The following WTIP variants were observed in gnomAD, a reference collection of about 807,000 sequenced individuals.
WTIP encodes the protein Wilms tumor protein 1-interacting protein.
A neutral mutation model predicts 41.7 loss-of-function variants in WTIP; 23 were observed. That is an observed-to-expected ratio of 0.55 (90% CI 0.40 to 0.78). WTIP has a LOEUF of 0.78. Among genes scored for constraint, WTIP ranks in the 30% least tolerant of loss-of-function variants. The pLI is 0.00. For missense variants in WTIP, 619 were observed against 610.5 expected, an observed-to-expected ratio of 1.01 and a Z score of -0.15; for synonymous variants, 314 against 269.9, an observed-to-expected ratio of 1.16 and a Z score of -1.60.
intron 6 of WTIP, 147 bp from the exon 7 acceptor site, chr19:34,495,556 G>C (rs567210011): frequency 2.5e-6 from 2 of 803,476 alleles, no homozygotes; most frequent in East Asian, 5.4e-5. Context: ...AGCCTGTCCC[G>C]CCCCACAGAA....
rs920873522 is a variant in WTIP, at chr19:34,500,538, C to T, written c.*269C>T. On this transcript the variant is annotated 3_prime_UTR_variant, in exon 8 of 8. Coordinates refer to ENST00000590071, the MANE Select transcript of WTIP (RefSeq NM_001080436.2). The stretch of plus-strand genomic sequence containing the variant: ...TGTGCCCTGCAGCCTCAGGGTAGGC[C>T]GTGGGTCACCAGGCTGGAGAGGGCC... 8 of 415,508 alleles carry T rather than the reference C, an allele frequency of 1.9e-5. No individual in the cohort carries two copies. In the South Asian group the frequency reaches 3.8e-4, roughly 20 times the overall value. 25.7% of individuals were successfully genotyped at this position (415,508 alleles called of 1,614,324 possible).
intron 1 of WTIP, among the ~76,000 whole-genome samples, chr19:34,484,439 G>T (rs1220406698): frequency 6.6e-6 from 1 of 152,140 alleles, no homozygotes; most frequent in East Asian, 1.9e-4. Context: ...CCTCCCATCT[G>T]TGAGGTCATG....
chr19:34,482,238 C>A lies in WTIP; in HGVS notation c.264C>A (p.Ser88Arg). 2 of 1,212,186 alleles carry A rather than the reference C, an allele frequency of 1.6e-6. No individual in the cohort carries two copies. The highest frequency in any genetic ancestry group is 2.1e-6 in the Non-Finnish European group (2 of 974,734). 75.1% of individuals were successfully genotyped at this position (1,212,186 alleles called of 1,614,324 possible). ...VPELSAQPAG[S>R]PRASLAGSDG... ...AGCTCAGCGCGCAGCCTGCGGGCAG[C>A]CCACGGGCCAGCCTGGCGGGGTCCG... Residue 88 changes from serine to arginine, a missense_variant, in exon 1 of 8, where the codon AGC (serine) becomes AGA (arginine). Physicochemically the swap from Ser to Arg is moderately radical, Grantham distance 110. Around this residue, in one of 3 missense-constraint regions of WTIP, gnomAD observed 363 missense variants for 309.0 expected, o/e 1.17. Transcript: ENST00000590071.
Position 34,503,670 on chromosome 19 carries a change from T to TC in WTIP, c.*3405dup, listed in dbSNP as rs2145615566. ...AGTGGCAAGTCTCCTGCCATCCCTG[T>TC]CCCCGCTATGCGGTGAGCTCTTCAG... On this transcript the variant is annotated 3_prime_UTR_variant, in exon 8 of 8. Coordinates refer to ENST00000590071, the MANE Select transcript of WTIP (RefSeq NM_001080436.2). The TC allele has an allele frequency of 1.3e-5, 2 of 152,934 alleles. No homozygotes were observed. The highest frequency in any genetic ancestry group is 1.3e-4 in the Admixed American group (2 of 15,294). 9.5% of individuals were successfully genotyped at this position (152,934 alleles called of 1,614,324 possible). A position where few individuals can be genotyped will look rare whatever the true frequency, so the allele number is the denominator to read the frequency against.
At chr19:34,495,431 T>C (rs1268403125) in intron 6 of WTIP, among the ~76,000 whole-genome samples, 2 of 151,738 alleles carry the variant, frequency 1.3e-5, no homozygotes, top group Non-Finnish European at 2.9e-5. Flanking sequence ...GTGAAAATAA[T>C]GTCCACATCC....
At chr19:34,483,101 C>T (rs1210760134) in intron 1 of WTIP, among the ~76,000 whole-genome samples, 2 of 148,066 alleles carry the variant, frequency 1.4e-5, no homozygotes, top group African/African-American at 5.0e-5. Flanking sequence ...GCCTCTCAAG[C>T]TGAAGCGATC....
chr19:34,503,838 G>A lies in WTIP; in HGVS notation c.*3569G>A, dbSNP rs1304955793. 3 of 152,378 alleles carry A rather than the reference G, an allele frequency of 2.0e-5. No homozygotes were observed. The highest frequency in any genetic ancestry group is 6.5e-5 in the Admixed American group (1 of 15,278). The allele number at this position is 152,378 out of a possible 1,614,324, so 9.4% of individuals were successfully genotyped here. A position where few individuals can be genotyped will look rare whatever the true frequency, so the allele number is the denominator to read the frequency against. ...GGTCCAAGTCCAGCCTGGTTGCCTA[G>A]TGAAGGATCCACAGTGGGTACATAA... On this transcript the variant is annotated 3_prime_UTR_variant, in exon 8 of 8. Transcript: ENST00000590071.
chr19:34,494,782 G>A (rs766439925), intron 6 of WTIP, 145 bp downstream of exon 6: 108 of 838,602 alleles, frequency 1.3e-4, no homozygotes, highest in Non-Finnish European at 1.9e-4. Context: ...TGAGGGATGT[G>A]TGTTGTGCTT....
chr19:34,495,162 A>G (rs909285581), intron 6 of WTIP, among the ~76,000 whole-genome samples: 4 of 152,152 alleles, frequency 2.6e-5, no homozygotes, highest in Admixed American at 6.5e-5. Context: ...TTGGGAGGCC[A>G]AGGTGGGATG....
At chr19:34,488,059 C>T (rs143948816) in intron 1 of WTIP, among the ~76,000 whole-genome samples, 119 of 152,208 alleles carry the variant, frequency 7.8e-4, no homozygotes, top group African/African-American at 2.6e-3. Flanking sequence ...CAGCGACCCT[C>T]ATGTCTGTCT....
Position 34,482,436 on chromosome 19 carries a change from C to T in WTIP, c.462C>T (p.Gly154=). ...GCCTCGGCTCCCGGGGCTCGGCCGG[C>T]GCCTACGCTGACTTCCTCCCGCCCG... ...VSSLGSRGSA[G]AYADFLPPGA... Residue 154 remains glycine (G), a synonymous_variant, in exon 1 of 8, where the codon GGC becomes GGT. Transcript: ENST00000590071. 2 of 1,325,400 alleles carry T rather than the reference C, an allele frequency of 1.5e-6. No individual in the cohort carries two copies. Among genetic ancestry groups the T allele is most frequent in the South Asian group, 1.8e-5 (1 of 55,588 alleles). The allele number at this position is 1,325,400 out of a possible 1,614,324, so 82.1% of individuals were successfully genotyped here.
rs1331167704 is a variant in WTIP, at chr19:34,510,978, A to G, written c.*10709A>G. On this transcript the variant is annotated 3_prime_UTR_variant, in exon 8 of 8. Transcript: ENST00000590071. ...TAAACAAATTTCTAGGAGGTTCCAA[A>G]CTTTCCCACATTTTCCTATATTCTT... 6.6e-6 allele frequency: 1 copy of G among 152,188 alleles called. No individual in the cohort carries two copies. Among genetic ancestry groups the G allele is most frequent in the Non-Finnish European group, 1.5e-5 (1 of 68,050 alleles). 9.4% of individuals were successfully genotyped at this position (152,188 alleles called of 1,614,324 possible).
chr19:34,499,072 G>A (rs376579325), intron 7 of WTIP, among the ~76,000 whole-genome samples: 45 of 151,986 alleles, frequency 3.0e-4, no homozygotes, highest in African/African-American at 1.1e-3. Context: ...AAAATTAGCC[G>A]GGCATGGTGG....
chr19:34,489,779 A>G (rs1291529671), intron 1 of WTIP, among the ~76,000 whole-genome samples: 1 of 152,130 alleles, frequency 6.6e-6, no homozygotes, highest in Non-Finnish European at 1.5e-5. Flanking sequence ...TCTACAAAAG[A>G]AAAAATCAGC....
In WTIP at chr19:34,506,204, T is replaced by G. The variant is rs1205301874; in HGVS notation, c.*5935T>G. On this transcript the variant is annotated 3_prime_UTR_variant, in exon 8 of 8. Transcript: ENST00000590071. ...AGGTGATGAGTGACTTTTCTCTTGCTGCCGTCAAGATTCCTGGCTGTGGAT... is the reference window on the plus strand; with the variant it reads ...AGGTGATGAGTGACTTTTCTCTTGCGGCCGTCAAGATTCCTGGCTGTGGAT... 1 of 152,294 alleles carries G rather than the reference T, an allele frequency of 6.6e-6. No homozygotes were observed. Among genetic ancestry groups the G allele is most frequent in the African/African-American group, 2.4e-5 (1 of 41,472 alleles). 9.4% of individuals were successfully genotyped at this position (152,294 alleles called of 1,614,324 possible).
At position 34,500,308 on chromosome 19, in the gene WTIP, G is replaced by A; in HGVS notation, c.*39G>A. The stretch of plus-strand genomic sequence containing the variant: ...CGTCCCTGGGCCGGGGTGGGTGTGG[G>A]TGTGGAGGGAGGGCCCGCGTGGGTG... On this transcript the variant is annotated 3_prime_UTR_variant, in exon 8 of 8. Transcript: ENST00000590071. The A allele has an allele frequency of 1.3e-6, 2 of 1,546,994 alleles. No homozygotes were observed. Among genetic ancestry groups the A allele is most frequent in the South Asian group, 1.2e-5 (1 of 81,688 alleles).
At chr19:34,483,646 C>T (rs537541840) in intron 1 of WTIP, among the ~76,000 whole-genome samples, 1 of 152,356 alleles carries the variant, frequency 6.6e-6, no homozygotes, top group East Asian at 1.9e-4. Flanking sequence ...GCAGGTGCAT[C>T]TGCAAAGCCC....
At chr19:34,483,080 C>G (rs2075778425) in intron 1 of WTIP, among the ~76,000 whole-genome samples, 1 of 144,598 alleles carries the variant, frequency 6.9e-6, no homozygotes, top group South Asian at 2.2e-4. Context: ...CCTCGGCTTA[C>G]TGTAGCCGTC....
At chr19:34,490,811 T>C (rs765720590) in intron 2 of WTIP, among the ~76,000 whole-genome samples, 1 of 152,142 alleles carries the variant, frequency 6.6e-6, no homozygotes, top group Non-Finnish European at 1.5e-5. Flanking sequence ...TATTTCTTTT[T>C]CCTGCTATCT....
Sources: allele counts gnomAD v4.1 joint callset (sites outside exome capture counted in the v4.1 genomes callset), GRCh38; gene constraint gnomAD v4.1.1; regional missense constraint gnomAD v4.1.1; transcripts MANE v1.5; gene names NCBI Gene and HGNC (gene_info 2026-07-23, HGNC 2026-07-21).